Variants in FGF13 observed in about 807,000 individuals in gnomAD.
FGF13 encodes fibroblast growth factor homologous factor 2.
In FGF13, 2 loss-of-function variants were observed where a neutral mutation model predicts 19.5. The observed-to-expected ratio is 0.10, with a 90% CI of 0.04 to 0.32. The LOEUF (loss-of-function observed/expected upper bound fraction) is 0.32, where lower values mean the gene tolerates loss of function less well. Among genes scored for constraint, FGF13 ranks in the 10% least tolerant of loss-of-function variants. FGF13 has a pLI of 1.00. For missense variants in FGF13, 113 were observed against 192.7 expected, an observed-to-expected ratio of 0.59 and a Z score of 2.45; for synonymous variants, 72 against 76.9, an observed-to-expected ratio of 0.94 and a Z score of 0.33.
chrX:139,014,145 C>T lies in FGF13; in HGVS notation c.-112-149495G>A, dbSNP rs536036382. 3.4e-4 allele frequency among the ~76,000 whole-genome samples: 38 copies of T among 110,979 alleles called. No homozygotes were observed. The South Asian group carries it at 0.014, about 41-fold the overall frequency. On this transcript the variant is annotated intron_variant, in intron 1 of 2. Coordinates refer to the FGF13 transcript ENST00000421460. ...GGAAGTTTATAGCTATAAGTGCCTA[C>T]ATCAAAAAAGAAATAAAAAACTTAA...
chrX:138,931,010 T>C (rs1307065050), intron 1 of FGF13, among the ~76,000 whole-genome samples: 1 of 112,670 alleles, frequency 8.9e-6, no homozygotes, highest in Non-Finnish European at 1.9e-5. Context: ...AAATCAATTC[T>C]CTTCTGAAGT....
intron 1 of FGF13, among the ~76,000 whole-genome samples, chrX:139,032,979 T>C (rs2092233645): frequency 1.1e-5 from 1 of 91,872 alleles, no homozygotes; most frequent in Non-Finnish European, 2.1e-5. Flanking sequence ...TCTCCTTTCC[T>C]GGCCTGGTAA....
intron 1 of FGF13, among the ~76,000 whole-genome samples, chrX:138,731,958 T>A (rs1375296552): frequency 5.4e-5 from 6 of 111,725 alleles, no homozygotes; most frequent in African/African-American, 1.9e-4. Context: ...AAAGAATATG[T>A]ACAAATTACC....
At position 138,621,269 on chromosome X, in the gene FGF13, A is replaced by G. The variant is rs766497865; in HGVS notation, c.*11581T>C. ...ACAAAACTAAGAAGATTGAAATCAT[A>G]CCAAATATCTTTTCTGACCACAATG... On this transcript the variant is annotated 3_prime_UTR_variant, in exon 5 of 5. Coordinates refer to ENST00000315930, the MANE Select transcript of FGF13 (RefSeq NM_004114.5). The G allele has an allele frequency of 1.8e-5, 2 of 112,034 alleles. No homozygotes were observed. The highest frequency in any genetic ancestry group is 6.5e-5 in the African/African-American group (2 of 30,907). 9.2% of individuals were successfully genotyped at this position (112,034 alleles called of 1,213,427 possible). A position where few individuals can be genotyped will look rare whatever the true frequency, so the allele number is the denominator to read the frequency against.
At chrX:138,695,587 T>G (rs1159338591) in intron 3 of FGF13, among the ~76,000 whole-genome samples, 5 of 111,583 alleles carry the variant, frequency 4.5e-5, no homozygotes, top group Non-Finnish European at 5.7e-5. Context: ...TGTGTGTGTG[T>G]GGGAAAGAAA....
intron 1 of FGF13, among the ~76,000 whole-genome samples, chrX:138,731,588 GAA>G (rs1289624917): frequency 2.7e-5 from 3 of 109,954 alleles, no homozygotes; most frequent in African/African-American, 9.9e-5. Context: ...TCAAACAGAA[GAA>G]AGTTATAAAA....
intron 3 of FGF13, among the ~76,000 whole-genome samples, chrX:138,842,015 T>C (rs1376872468): frequency 8.9e-6 from 1 of 112,211 alleles, no homozygotes; most frequent in African/African-American, 3.2e-5. Flanking sequence ...AGTTTTTCAA[T>C]GTTGAACTAG....
rs147322336 is a variant in FGF13 at position 139,044,903 on chromosome X, C to T, written c.-113+158513G>A. 9.6e-3 allele frequency among the ~76,000 whole-genome samples: 1,063 copies of T among 111,132 alleles called. 20 individuals carry two copies. The highest frequency in any genetic ancestry group is 0.033 in the African/African-American group (988 of 30,371). On this transcript the variant is annotated intron_variant, in intron 1 of 2. Coordinates refer to the FGF13 transcript ENST00000421460. ...ATTTGACATTCTCGGGTCTGGAGGA[C>T]GGTGGCCCCCATCCCACAGCTCCAC...
intron 1 of FGF13, among the ~76,000 whole-genome samples, chrX:138,721,924 T>G (rs1227743805): frequency 1.8e-5 from 2 of 111,003 alleles, no homozygotes; most frequent in African/African-American, 3.3e-5. Context: ...TTTTATTCCT[T>G]TATCTTACTG....
At chrX:139,117,647 C>T (rs2083648733) in intron 1 of FGF13, among the ~76,000 whole-genome samples, 1 of 111,679 alleles carries the variant, frequency 9.0e-6, no homozygotes, top group Non-Finnish European at 1.9e-5. Context: ...ATATCACACT[C>T]TCCTGTTAAT....
intron 3 of FGF13, among the ~76,000 whole-genome samples, chrX:138,834,769 T>C (rs981594146): frequency 9.0e-6 from 1 of 111,158 alleles, no homozygotes; most frequent in African/African-American, 3.3e-5. Context: ...CTAGAGATCT[T>C]TGTATCACTC....
chrX:138,937,837 A>G (rs1352554544), intron 1 of FGF13, among the ~76,000 whole-genome samples: 1 of 112,243 alleles, frequency 8.9e-6, no homozygotes, highest in East Asian at 2.8e-4. Context: ...GATTTAGCAC[A>G]ATACATGTGG....
intron 1 of FGF13, among the ~76,000 whole-genome samples, chrX:138,969,672 T>C (rs1002621528): frequency 2.7e-5 from 3 of 111,754 alleles, no homozygotes; most frequent in African/African-American, 9.8e-5. Flanking sequence ...GGAATGTGTT[T>C]TAATTAGCAC....
chrX:138,668,302 T>C (rs772169647), intron 3 of FGF13, among the ~76,000 whole-genome samples: 10 of 111,480 alleles, frequency 9.0e-5, no homozygotes, highest in Non-Finnish European at 1.9e-4. Flanking sequence ...TTATAAGCAT[T>C]TGAATTGTGT....
chrX:138,738,895 T>C (rs2090299605), intron 1 of FGF13, among the ~76,000 whole-genome samples: 1 of 111,828 alleles, frequency 8.9e-6, no homozygotes, highest in Non-Finnish European at 1.9e-5. Flanking sequence ...ATAGAATAAA[T>C]GCAAATCTAG....
At chrX:138,938,695 T>C (rs1438924527) in intron 1 of FGF13, among the ~76,000 whole-genome samples, 2 of 111,788 alleles carry the variant, frequency 1.8e-5, no homozygotes, top group Non-Finnish European at 3.8e-5. Flanking sequence ...GAATTTGGAA[T>C]GCATCAAGTA....
intron 1 of FGF13, among the ~76,000 whole-genome samples, chrX:139,196,230 T>G (rs759486060): frequency 8.9e-6 from 1 of 112,187 alleles, no homozygotes; most frequent in Non-Finnish European, 1.9e-5. Context: ...ATGTATAATC[T>G]TGAAGACACA....
intron 1 of FGF13, among the ~76,000 whole-genome samples, chrX:139,186,919 T>C (rs1480827654): frequency 8.9e-6 from 1 of 112,246 alleles, no homozygotes; most frequent in African/African-American, 3.2e-5. Context: ...CTGTGTTAGC[T>C]GCCCTCCTCT....
At chrX:138,869,120 A>G (rs1046253824) in intron 1 of FGF13, among the ~76,000 whole-genome samples, 1 of 111,630 alleles carries the variant, frequency 9.0e-6, no homozygotes, top group Non-Finnish European at 1.9e-5. Flanking sequence ...ATTTTCAAGC[A>G]GGTAGGGTGC....
Sources: gnomAD v4.1 joint callset for allele counts (sites outside exome capture counted in the v4.1 genomes callset) on GRCh38, gnomAD v4.1.1 for gene constraint, MANE v1.5 for transcripts, NCBI Gene and HGNC (gene_info 2026-07-23, HGNC 2026-07-21) for gene names.